NALCN: variants seen among roughly 807,000 people sequenced by gnomAD.
NALCN encodes the protein sodium leak channel NALCN.
NALCN carries 111 observed loss-of-function variants against 225.3 expected under a neutral mutation model. The observed-to-expected ratio is 0.49, with a 90% confidence interval of 0.42 to 0.58. NALCN has a LOEUF of 0.58. Ranked by LOEUF, NALCN falls within the 20% of genes least tolerant of loss-of-function variation. NALCN has a pLI of 0.00. For missense variants in NALCN, 1,378 were observed against 2,202.4 expected (o/e 0.63, Z 7.49); for synonymous variants, 764 against 769.0 (o/e 0.99, Z 0.11).
Position 101,073,566 on chromosome 13 carries a change from A to G in NALCN, c.4197+18T>C, listed in dbSNP as rs1204144857. 1.1e-5 allele frequency: 17 copies of G among 1,596,790 alleles called. No homozygotes were observed. Among genetic ancestry groups the G allele is most frequent in the Admixed American group, 3.4e-5 (2 of 59,274 alleles). On this transcript the variant is annotated intron_variant, in intron 37 of 43. Coordinates refer to ENST00000251127, the MANE Select transcript of NALCN (RefSeq NM_052867.4). ...CTGATTCTAAGTCTAAGCCTTGTTC[A>G]TGATGAGAGATATTTACCATACAGT...
chr13:101,143,526 G>T (rs934540776), intron 16 of NALCN, among the ~76,000 whole-genome samples: 4 of 151,662 alleles, frequency 2.6e-5, no homozygotes, highest in African/African-American at 9.7e-5. Flanking sequence ...GTGCAATGGT[G>T]CAATCTCAGC....
chr13:101,280,465 A>T (rs908657306), intron 10 of NALCN, among the ~76,000 whole-genome samples: 2 of 151,946 alleles, frequency 1.3e-5, no homozygotes, highest in Non-Finnish European at 2.9e-5. Context: ...ATCACACTTC[A>T]CCCTGTCATT....
At position 101,246,806 on chromosome 13, in the gene NALCN, G is replaced by T. The variant is rs570434376; in HGVS notation, c.1267-8884C>A. Among the ~76,000 whole-genome samples the T allele has an allele frequency of 1.3e-3, 201 of 152,290 alleles. 2 individuals carry two copies. The highest frequency in any genetic ancestry group is 0.01 in the Middle Eastern group (3 of 294). ...AACTCAAACGTGGGTGTCAGATTTT[G>T]TTGGGGCCAAAATAAATGACTCTTC... On this transcript the variant is annotated intron_variant, in intron 11 of 43. Coordinates refer to ENST00000251127, the MANE Select transcript of NALCN (RefSeq NM_052867.4).
At position 101,150,058 on chromosome 13, in the gene NALCN, A is replaced by G. The variant is rs186166696; in HGVS notation, c.1840-5162T>C. On this transcript the variant is annotated intron_variant, in intron 15 of 43. Transcript: ENST00000251127. ...AAAATACATTTGGGTTTATTTAAAT[A>G]TTTGAATGAGTGAACTACATCTCAG... Among the ~76,000 whole-genome samples the G allele has an allele frequency of 9.7e-3, 1,431 of 147,876 alleles. 17 individuals are homozygous for G. The highest frequency in any genetic ancestry group is 0.029 in the African/African-American group (1,159 of 39,962).
chr13:101,318,165 G>A (rs1197613050), intron 7 of NALCN, among the ~76,000 whole-genome samples: 1 of 152,172 alleles, frequency 6.6e-6, no homozygotes, highest in East Asian at 1.9e-4. Context: ...TTTCTCACCC[G>A]CTGGGCTCGT....
chr13:101,291,469 A>G lies in NALCN; in HGVS notation c.1047+521T>C, dbSNP rs74117845. Among the ~76,000 whole-genome samples the G allele has an allele frequency of 8.9e-3, 1,353 of 152,286 alleles. 26 individuals are homozygous for G. Among genetic ancestry groups the G allele is most frequent in the African/African-American group, 0.03 (1,262 of 41,552 alleles). The stretch of plus-strand genomic sequence containing the variant: ...ACCACCCACGGAGCTGTTACAAAAT[A>G]TAGGTGTCATTACCTCACTGCCTGG... On this transcript the variant is annotated intron_variant, in intron 9 of 43. Coordinates refer to ENST00000251127, the MANE Select transcript of NALCN (RefSeq NM_052867.4).
At chr13:101,378,765 T>A (rs982079601) in intron 3 of NALCN, 112 bp from the exon 4 acceptor site, 55 of 848,756 alleles carry the variant, frequency 6.5e-5, no homozygotes, top group Non-Finnish European at 1.0e-4. Context: ...AATTTTTGTA[T>A]CATAATAGAA....
intron 15 of NALCN, among the ~76,000 whole-genome samples, chr13:101,157,750 CTT>C (rs11322942): frequency 1.6e-3 from 217 of 138,658 alleles, no homozygotes; most frequent in African/African-American, 4.4e-3. Flanking sequence ...GGGACATGGT[CTT>C]TTTTTTTTTT....
chr13:101,314,629 A>C lies in NALCN; in HGVS notation c.800-22263T>G, dbSNP rs550933599. On this transcript the variant is annotated intron_variant, in intron 7 of 43. Coordinates refer to ENST00000251127, the MANE Select transcript of NALCN (RefSeq NM_052867.4). ...CAATATCACCCACATAAACCCAGGAATCACTCAGTTCTCTATTCTCGATAT... is the reference window on the plus strand; with the variant it reads ...CAATATCACCCACATAAACCCAGGACTCACTCAGTTCTCTATTCTCGATAT... Among the ~76,000 whole-genome samples the C allele has an allele frequency of 3.3e-5, 5 of 152,328 alleles. No homozygotes were observed. The South Asian group carries it at 1.0e-3, about 32-fold the overall frequency.
chr13:101,196,172 T>A (rs1486084242), intron 13 of NALCN, among the ~76,000 whole-genome samples: 1 of 152,202 alleles, frequency 6.6e-6, no homozygotes, highest in East Asian at 1.9e-4. Context: ...TTTTTTTTAA[T>A]ACAATCTTTG....
At chr13:101,392,641 G>A (rs913939703) in intron 3 of NALCN, among the ~76,000 whole-genome samples, 21 of 152,116 alleles carry the variant, frequency 1.4e-4, no homozygotes, top group East Asian at 7.7e-4. Flanking sequence ...AAATTTTACC[G>A]GCAGTGTTAG....
intron 7 of NALCN, among the ~76,000 whole-genome samples, chr13:101,305,356 T>C (rs2044121073): frequency 6.6e-6 from 1 of 152,246 alleles, no homozygotes. Flanking sequence ...TCTCTTATAG[T>C]TGAATAAATT....
intron 11 of NALCN, among the ~76,000 whole-genome samples, chr13:101,250,817 A>T (rs571725337): frequency 2.1e-4 from 32 of 152,138 alleles, no homozygotes; most frequent in African/African-American, 7.5e-4. Flanking sequence ...TCTGCACTGC[A>T]TACTACTAGA....
intron 10 of NALCN, among the ~76,000 whole-genome samples, chr13:101,264,463 T>C (rs1252669272): frequency 6.6e-6 from 1 of 151,982 alleles, no homozygotes; most frequent in East Asian, 1.9e-4. Flanking sequence ...CAGCATTATC[T>C]GTCAGGAATG....
At position 101,057,988 on chromosome 13, in the gene NALCN, G is replaced by A. The variant is rs757348140; in HGVS notation, c.4974C>T (p.Ala1658=). The A allele has an allele frequency of 6.9e-5, 112 of 1,613,800 alleles. No homozygotes were observed. The highest frequency in any genetic ancestry group is 1.6e-4 in the Middle Eastern group (1 of 6,082). ...ATTTCCTCTGGGGTTTCCCTGCGTCGGCTGCATCTTGCCGACTTCCTCCTC... is the reference window on the plus strand; with the variant it reads ...ATTTCCTCTGGGGTTTCCCTGCGTCAGCTGCATCTTGCCGACTTCCTCCTC... ...SDRGGSRQDA[A]DAGKPQRKFG... Residue 1658 remains alanine, a synonymous_variant, in exon 43 of 44, where the codon GCC becomes GCT. Transcript: ENST00000251127.
At chr13:101,303,955 A>G (rs2044062909) in intron 7 of NALCN, among the ~76,000 whole-genome samples, 1 of 152,216 alleles carries the variant, frequency 6.6e-6, no homozygotes, top group Non-Finnish European at 1.5e-5. Flanking sequence ...GCAGAGAAAT[A>G]TGGAGCAATT....
chr13:101,363,797 C>A (rs929247892), intron 6 of NALCN, among the ~76,000 whole-genome samples: 5 of 151,950 alleles, frequency 3.3e-5, no homozygotes, highest in African/African-American at 1.2e-4. Context: ...GAAGTGACAG[C>A]CCACAGAATA....
In NALCN at chr13:101,292,139, A is replaced by C. The variant is rs371142825; in HGVS notation, c.943-45T>G. 1.2e-6 allele frequency: 2 copies of C among 1,612,780 alleles called. No individual in the cohort carries two copies. The highest frequency in any genetic ancestry group is 1.7e-6 in the Non-Finnish European group (2 of 1,179,176). Reference sequence around the variant, plus strand: ...ACATTTACCAAAGTCTAAGAATGACAAAGCAGAGGGCAACCAAAACCAAAC... The same window carrying C: ...ACATTTACCAAAGTCTAAGAATGACCAAGCAGAGGGCAACCAAAACCAAAC... On this transcript the variant is annotated intron_variant, in intron 8 of 43. Coordinates refer to ENST00000251127, the MANE Select transcript of NALCN (RefSeq NM_052867.4). The surrounding 1 kb of genome is among the most constrained non-coding windows in gnomAD (Gnocchi z 4.3).
At chr13:101,150,085 G>GT (rs2037563199) in intron 15 of NALCN, among the ~76,000 whole-genome samples, 2 of 62,466 alleles carry the variant, frequency 3.2e-5, no homozygotes, top group Admixed American at 1.6e-4. Context: ...ACATCTCAGT[G>GT]TAAGAAATGT....
Sources: gnomAD v4.1 joint callset for allele counts (sites outside exome capture counted in the v4.1 genomes callset) on GRCh38, gnomAD v4.1.1 for gene constraint, Gnocchi (gnomAD v3.1) non-coding constraint, MANE v1.5 for transcripts, NCBI Gene and HGNC (gene_info 2026-07-23, HGNC 2026-07-21) for gene names.